SESN1: variants seen among roughly 807,000 people sequenced by gnomAD.
SESN1 encodes the protein sestrin 1.
In SESN1, 30 loss-of-function variants were observed where a neutral mutation model predicts 59.3. The ratio of observed to expected loss-of-function variants is 0.51; its 90% confidence interval spans 0.38 to 0.69. The LOEUF is 0.69. Among genes scored for constraint, SESN1 ranks in the 30% least tolerant of loss-of-function variants. SESN1 has a pLI of 0.00. For missense variants in SESN1, 566 were observed against 673.0 expected, an observed-to-expected ratio of 0.84 and a Z score of 1.76; for synonymous variants, 197 against 219.9, an observed-to-expected ratio of 0.90 and a Z score of 0.92.
At chr6:108,997,563 T>C (rs1041865605) in intron 5 of SESN1, among the ~76,000 whole-genome samples, 12 of 152,226 alleles carry the variant, frequency 7.9e-5, no homozygotes, top group African/African-American at 2.9e-4. Context: ...CTAAGTGCTG[T>C]ACTTGGCATT....
intron 1 of SESN1, among the ~76,000 whole-genome samples, chr6:109,006,154 T>C (rs1779726086): frequency 6.6e-6 from 1 of 152,214 alleles, no homozygotes; most frequent in South Asian, 2.1e-4. Flanking sequence ...CATGAGTCTA[T>C]GATACTAAAG....
At chr6:109,066,113 T>C (rs1454337105) in intron 1 of SESN1, among the ~76,000 whole-genome samples, 2 of 152,132 alleles carry the variant, frequency 1.3e-5, no homozygotes, top group Non-Finnish European at 2.9e-5. Context: ...AATACATATA[T>C]TGACAGGTAA....
intron 1 of SESN1, among the ~76,000 whole-genome samples, chr6:109,027,013 T>C (rs1780105835): frequency 6.6e-6 from 1 of 151,902 alleles, no homozygotes; most frequent in Non-Finnish European, 1.5e-5. Flanking sequence ...CTACTAAAAA[T>C]ACTAAAATTA....
intron 1 of SESN1, among the ~76,000 whole-genome samples, chr6:109,040,739 G>A (rs960406023): frequency 2.7e-5 from 4 of 150,012 alleles, no homozygotes; most frequent in African/African-American, 9.8e-5. Flanking sequence ...TGCAAGCTCT[G>A]CCTCCTGGGT....
At chr6:109,024,019 A>T (rs2114377399) in intron 1 of SESN1, among the ~76,000 whole-genome samples, 1 of 152,282 alleles carries the variant, frequency 6.6e-6, no homozygotes, top group East Asian at 1.9e-4. Flanking sequence ...TTTGAAAATC[A>T]GTAATTTTTG....
At position 108,998,674 on chromosome 6, in the gene SESN1, G is replaced by T; in HGVS notation, c.811C>A (p.Leu271Ile). 6.2e-7 allele frequency: 1 copy of T among 1,613,810 alleles called. No individual in the cohort carries two copies. The highest frequency in any genetic ancestry group is 1.1e-5 in the South Asian group (1 of 91,058). Residue 271 changes from leucine to isoleucine, a missense_variant, in exon 5 of 10, where the codon CTT becomes ATT. Transcript: ENST00000436639. ...AVVLLTHYHS[L>I]ASFTFGCGIS... ...CCACAGCCGAATGTGAATGAGGCAA[G>T]AGAATGATAGTGTGTGAGTAAAACT...
Position 109,094,376 on chromosome 6 carries a change from C to T in SESN1, c.-303G>A. The T allele has an allele frequency of 2.5e-6, 1 of 407,612 alleles. No individual in the cohort carries two copies. Among genetic ancestry groups the T allele is most frequent in the Non-Finnish European group, 4.5e-6 (1 of 224,462 alleles). The allele number at this position is 407,612 out of a possible 1,614,324, so 25.2% of individuals were successfully genotyped here. A position where few individuals can be genotyped will look rare whatever the true frequency, so the allele number is the denominator to read the frequency against. On this transcript the variant is annotated 5_prime_UTR_variant, in exon 1 of 10. Transcript: ENST00000436639. ...AGAATTTCGGGGAAGCGTTCTCCTC[C>T]GTCTCGCGGGGTCAGTGGATATCCT...
rs988822483 is a variant in SESN1, at chr6:109,002,475, A to G, written c.280-132T>C. 4 of 659,402 alleles carry G rather than the reference A, an allele frequency of 6.1e-6. No homozygotes were observed. The African/African-American group carries it at 7.2e-5, about 12-fold the overall frequency. The allele number at this position is 659,402 out of a possible 1,614,324, so 40.8% of individuals were successfully genotyped here. On this transcript the variant is annotated intron_variant, in intron 1 of 9. Coordinates refer to ENST00000436639, the MANE Select transcript of SESN1 (RefSeq NM_014454.3). ...TTTGATGGTTTGTTTTCATGGCTGTATATACATACCAACTCTTCTGTTAGC... is the reference window on the plus strand; with the variant it reads ...TTTGATGGTTTGTTTTCATGGCTGTGTATACATACCAACTCTTCTGTTAGC...
chr6:109,025,042 G>A lies in SESN1; in HGVS notation c.280-22699C>T, dbSNP rs779613070. 2.0e-5 allele frequency among the ~76,000 whole-genome samples: 3 copies of A among 152,144 alleles called. No individual in the cohort carries two copies. The East Asian group carries it at 5.8e-4, about 29-fold the overall frequency. On this transcript the variant is annotated intron_variant, in intron 1 of 9. Coordinates refer to ENST00000436639, the MANE Select transcript of SESN1 (RefSeq NM_014454.3). ...GCAGCTGTGGATCCCCAGGGACCTAGAGCAGCAGCACAGAAAACAGAAGGC... is the reference window on the plus strand; with the variant it reads ...GCAGCTGTGGATCCCCAGGGACCTAAAGCAGCAGCACAGAAAACAGAAGGC...
rs1430252602 is a variant in SESN1, at chr6:108,990,779, C to A, written c.1290G>T (p.Val430=). The part of the protein sequence containing the change: ...YSLVNRLYPD[V]GQLIDEKFHI... ...GAAATTTTTCATCAATCAACTGTCC[C>A]ACATCTGGATAAAGGCGATTTACCA... Residue 430 remains valine, a synonymous_variant, in exon 8 of 10, where the codon GTG becomes GTT. Coordinates refer to ENST00000436639, the MANE Select transcript of SESN1 (RefSeq NM_014454.3). 2.0e-5 allele frequency: 33 copies of A among 1,613,930 alleles called. No homozygotes were observed. The highest frequency in any genetic ancestry group is 2.5e-5 in the Non-Finnish European group (30 of 1,180,030).
At chr6:109,006,425 T>C (rs1349712625) in intron 1 of SESN1, among the ~76,000 whole-genome samples, 2 of 151,612 alleles carry the variant, frequency 1.3e-5, no homozygotes, top group Admixed American at 6.6e-5. Context: ...ATTAGGTATA[T>C]CTCCTAATGC....
Position 108,984,951 on chromosome 6 carries a change from G to T in SESN1, c.*2593C>A, listed in dbSNP as rs1251495820. ...ACAAAGATATTCTGGCCCATATATTGTTAACTCAGCGTCTCTGGGAGAATG... is the reference window on the plus strand; with the variant it reads ...ACAAAGATATTCTGGCCCATATATTTTTAACTCAGCGTCTCTGGGAGAATG... On this transcript the variant is annotated 3_prime_UTR_variant, in exon 10 of 10. Transcript: ENST00000436639. Among the ~76,000 whole-genome samples, 1 of 152,042 alleles carries T rather than the reference G, an allele frequency of 6.6e-6. No homozygotes were observed. The highest frequency in any genetic ancestry group is 1.5e-5 in the Non-Finnish European group (1 of 68,022).
intron 1 of SESN1, among the ~76,000 whole-genome samples, chr6:109,040,806 C>T (rs181320765): frequency 6.6e-6 from 1 of 152,022 alleles, no homozygotes; most frequent in Non-Finnish European, 1.5e-5. Context: ...GTGCACGCGA[C>T]CACGCCCAGC....
At chr6:108,998,953 G>A (rs1385545978) in intron 4 of SESN1, 198 bp from the exon 5 acceptor site, 1 of 446,568 alleles carries the variant, frequency 2.2e-6, no homozygotes, top group African/African-American at 2.0e-5. Flanking sequence ...AACATAATCT[G>A]TTAAGACATT....
intron 1 of SESN1, among the ~76,000 whole-genome samples, chr6:109,074,710 ATGCTCATTAAAG>A (rs1255928584): frequency 6.6e-6 from 1 of 152,192 alleles, no homozygotes; most frequent in Non-Finnish European, 1.5e-5. Flanking sequence ...TCATTTGACA[ATGCTCATTAAAG>A]TTTTGGGATT....
At chr6:109,084,355 G>A (rs1781175649) in intron 1 of SESN1, among the ~76,000 whole-genome samples, 1 of 152,098 alleles carries the variant, frequency 6.6e-6, no homozygotes, top group Admixed American at 6.5e-5. Flanking sequence ...GAGGTCAGGG[G>A]TTGGAAACCA....
chr6:108,997,113 A>G (rs566306137), intron 5 of SESN1, among the ~76,000 whole-genome samples: 3 of 150,768 alleles, frequency 2.0e-5, no homozygotes, highest in Non-Finnish European at 4.5e-5. Flanking sequence ...CTAAAGAACA[A>G]GCCATATCAG....
intron 1 of SESN1, among the ~76,000 whole-genome samples, chr6:109,009,835 G>A (rs1339143277): frequency 1.3e-5 from 2 of 152,076 alleles, no homozygotes; most frequent in Admixed American, 6.5e-5. Context: ...CGAGTCTTCG[G>A]GCTTCAGGGA....
intron 1 of SESN1, chr6:109,009,249 C>T (rs988223643): frequency 2.2e-5 from 23 of 1,047,184 alleles, no homozygotes; most frequent in Admixed American, 8.3e-5. Context: ...GGATGCTGAC[C>T]GGGAGCGACT....
Sources: gnomAD v4.1 joint callset for allele counts (sites outside exome capture counted in the v4.1 genomes callset) on GRCh38, gnomAD v4.1.1 for gene constraint, MANE v1.5 for transcripts, NCBI Gene and HGNC (gene_info 2026-07-23, HGNC 2026-07-21) for gene names.